The following SORCS1 variants were observed in gnomAD, a reference collection of about 807,000 sequenced individuals.
SORCS1 encodes the protein sortilin related VPS10 domain containing receptor 1.
A neutral mutation model predicts 146.1 loss-of-function variants in SORCS1; 60 were observed. That is an observed-to-expected ratio of 0.41 (90% CI 0.33 to 0.51). SORCS1 has a LOEUF of 0.51. Among genes scored for constraint, SORCS1 ranks in the 20% least tolerant of loss-of-function variants. The pLI is 0.21. For missense variants in SORCS1, 1,352 were observed against 1,487.6 expected (o/e 0.91, Z 1.50); for synonymous variants, 637 against 584.0 (o/e 1.09, Z -1.31).
chr10:106,976,736 C>T (rs2139291224), intron 1 of SORCS1, among the ~76,000 whole-genome samples: 1 of 152,218 alleles, frequency 6.6e-6, no homozygotes, highest in African/African-American at 2.4e-5. Flanking sequence ...TTGTTCCCCT[C>T]CCTGTGTCTA....
intron 1 of SORCS1, among the ~76,000 whole-genome samples, chr10:107,072,802 C>T (rs927012691): frequency 6.6e-6 from 1 of 151,076 alleles, no homozygotes; most frequent in Non-Finnish European, 1.5e-5. Flanking sequence ...GAATAATTGC[C>T]CAGAAACTAA....
intron 2 of SORCS1, among the ~76,000 whole-genome samples, chr10:106,926,820 AAT>A (rs78358063): frequency 0.33 from 24,297 of 73,024 alleles, 2,343 homozygotes; most frequent in Non-Finnish European, 0.41. Context: ...ATTTCTAAGG[AAT>A]ATATATACAC....
At chr10:106,796,414 C>G (rs968328703) in intron 3 of SORCS1, among the ~76,000 whole-genome samples, 7 of 151,870 alleles carry the variant, frequency 4.6e-5, no homozygotes, top group African/African-American at 1.7e-4. Flanking sequence ...ATGTTTCTCA[C>G]CAGTCCCTTT....
chr10:107,174,879 T>G, the SORCS1 span, among the ~76,000 whole-genome samples: 1 of 152,194 alleles, frequency 6.6e-6, no homozygotes, highest in African/African-American at 2.4e-5. Context: ...AAGGTTTTAT[T>G]ATTTCACTGT....
At chr10:107,138,302 A>G (rs189935529) in intron 1 of SORCS1, among the ~76,000 whole-genome samples, 106 of 152,340 alleles carry the variant, frequency 7.0e-4, no homozygotes, top group African/African-American at 2.5e-3. Flanking sequence ...ACCTGTACAT[A>G]AGAGAAAGAC....
intron 1 of SORCS1, chr10:106,970,030 C>A (rs770470012): frequency 6.6e-6 from 1 of 152,380 alleles, no homozygotes; most frequent in Non-Finnish European, 1.5e-5. Flanking sequence ...ACTCTATGGC[C>A]ATACCACCCT....
intron 24 of SORCS1, among the ~76,000 whole-genome samples, chr10:106,587,712 C>T (rs1845325590): frequency 6.6e-6 from 1 of 152,108 alleles, no homozygotes; most frequent in Admixed American, 6.5e-5. Context: ...CAAGATAACA[C>T]AAGATAACAG....
At chr10:107,136,713 A>C (rs2076928668) in intron 1 of SORCS1, among the ~76,000 whole-genome samples, 1 of 152,188 alleles carries the variant, frequency 6.6e-6, no homozygotes, top group South Asian at 2.1e-4. Flanking sequence ...ATGGAGGCAC[A>C]GGGAGGTGAA....
At chr10:106,830,886 ACT>A (rs1948515054) in intron 2 of SORCS1, among the ~76,000 whole-genome samples, 1 of 148,976 alleles carries the variant, frequency 6.7e-6, no homozygotes, top group Non-Finnish European at 1.5e-5. Flanking sequence ...ACAGAGCAAG[ACT>A]CTGTTTCAAA....
chr10:106,984,356 G>A (rs1222424791), intron 1 of SORCS1, among the ~76,000 whole-genome samples: 1 of 151,076 alleles, frequency 6.6e-6, no homozygotes, highest in Admixed American at 6.6e-5. Flanking sequence ...TTTAGACAGA[G>A]CTAAACTTAA....
intron 1 of SORCS1, among the ~76,000 whole-genome samples, chr10:107,057,907 T>C (rs1302672536): frequency 6.6e-6 from 1 of 152,092 alleles, no homozygotes; most frequent in East Asian, 1.9e-4. Context: ...CAGCCTCAAA[T>C]TCCTGGCTTC....
intron 3 of SORCS1, among the ~76,000 whole-genome samples, chr10:106,823,159 A>G (rs1564700397): frequency 6.6e-6 from 1 of 152,198 alleles, no homozygotes; most frequent in Non-Finnish European, 1.5e-5. Context: ...ACAAAGTGAC[A>G]GATGAAAGAG....
intron 1 of SORCS1, among the ~76,000 whole-genome samples, chr10:107,144,109 A>C (rs1968089292): frequency 6.6e-6 from 1 of 152,020 alleles, no homozygotes; most frequent in African/African-American, 2.4e-5. Flanking sequence ...TGCTTGTCTC[A>C]TGTTTTCATC....
intron 2 of SORCS1, among the ~76,000 whole-genome samples, chr10:106,852,146 TC>T (rs1270061726): frequency 6.6e-6 from 1 of 152,208 alleles, no homozygotes; most frequent in Non-Finnish European, 1.5e-5. Flanking sequence ...TTTTATTTCT[TC>T]CTTTTCAATC....
At chr10:106,823,843 T>C (rs1948168859) in intron 3 of SORCS1, among the ~76,000 whole-genome samples, 1 of 152,202 alleles carries the variant, frequency 6.6e-6, no homozygotes, top group African/African-American at 2.4e-5. Flanking sequence ...GCATGTAACT[T>C]CAGACAAGTC....
chr10:106,596,541 A>T (rs923486283), intron 24 of SORCS1, among the ~76,000 whole-genome samples: 1 of 152,188 alleles, frequency 6.6e-6, no homozygotes, highest in African/African-American at 2.4e-5. Flanking sequence ...CCCCATCCTC[A>T]CCACCACCTT....
chr10:107,014,627 C>A (rs1957823369), intron 1 of SORCS1, among the ~76,000 whole-genome samples: 1 of 152,148 alleles, frequency 6.6e-6, no homozygotes, highest in Non-Finnish European at 1.5e-5. Context: ...ACCTGGGAAT[C>A]TGTTAGAAAT....
chr10:106,577,470 G>A lies in SORCS1; in HGVS notation c.3457C>T (p.Pro1153Ser). 6.3e-7 allele frequency: 1 copy of A among 1,591,826 alleles called. No homozygotes were observed. Among genetic ancestry groups the A allele is most frequent in the Non-Finnish European group, 8.6e-7 (1 of 1,166,250 alleles). ...LRLQRARHAT[P>S]PSTPKRGSAG... Reference sequence around the variant, plus strand: ...GATCCCCGCTTTGGCGTTGAAGGCGGAGTGGCGTGTCTTGCTCTTTGCAAT... The same window carrying A: ...GATCCCCGCTTTGGCGTTGAAGGCGAAGTGGCGTGTCTTGCTCTTTGCAAT... The change falls in exon 26 of 26, where the codon CCG (proline) becomes TCG (serine). Residue 1153 changes from proline (P) to serine (S), a missense_variant. Coordinates refer to ENST00000263054, the MANE Select transcript of SORCS1 (RefSeq NM_052918.5).
At chr10:106,579,534 G>A in intron 24 of SORCS1, 60 bp from the exon 25 acceptor site, 2 of 1,523,664 alleles carry the variant, frequency 1.3e-6, no homozygotes, top group Middle Eastern at 2.0e-4. Flanking sequence ...GAGACTCTAT[G>A]AGAGGCTCAA....
Sources: gnomAD v4.1 joint callset for allele counts (sites outside exome capture counted in the v4.1 genomes callset) on GRCh38, gnomAD v4.1.1 for gene constraint, MANE v1.5 for transcripts, NCBI Gene and HGNC (gene_info 2026-07-23, HGNC 2026-07-21) for gene names.